The following MEIS2 variants were observed in gnomAD, a reference collection of about 807,000 sequenced individuals.
MEIS2 encodes homeobox protein Meis2.
MEIS2 carries 9 observed loss-of-function variants against 58.6 expected under a neutral mutation model. The ratio of observed to expected loss-of-function variants is 0.15; its 90% CI spans 0.09 to 0.27. The LOEUF (loss-of-function observed/expected upper bound fraction) is 0.27, where lower values mean the gene tolerates loss of function less well. Ranked by LOEUF, MEIS2 falls within the 10% of genes least tolerant of loss-of-function variation. The pLI is 1.00. For synonymous variants in MEIS2, 221 were observed against 228.4 expected (o/e 0.97, Z 0.29); for missense variants, 427 against 635.0 (o/e 0.67, Z 3.52).
chr15:36,954,406 T>C (rs1270303743), intron 8 of MEIS2, among the ~76,000 whole-genome samples: 1 of 149,100 alleles, frequency 6.7e-6, no homozygotes, highest in Non-Finnish European at 1.5e-5. Flanking sequence ...TGTACTGCTT[T>C]AAATAATTTT....
At chr15:36,995,979 A>G (rs71403537) in intron 8 of MEIS2, among the ~76,000 whole-genome samples, 46,408 of 79,528 alleles carry the variant, frequency 0.58, 10,061 homozygotes, top group Non-Finnish European at 0.65. Context: ...ATATATATAT[A>G]TATATATATA....
intron 6 of MEIS2, among the ~76,000 whole-genome samples, chr15:37,089,504 A>G (rs2141937923): frequency 6.6e-6 from 1 of 152,328 alleles, no homozygotes; most frequent in Non-Finnish European, 1.5e-5. Context: ...GAGATGCAAA[A>G]GAAAACACCA....
chr15:36,963,342 T>C (rs1422965409), intron 8 of MEIS2, among the ~76,000 whole-genome samples: 1 of 149,776 alleles, frequency 6.7e-6, no homozygotes, highest in Non-Finnish European at 1.5e-5. Context: ...ATTGCGCCAC[T>C]GCACTCCAGC....
rs534692479 is a variant in MEIS2 at position 37,098,379 on chromosome 15, G to GGAGAGAGAGAGAGAGAGA, written c.13-198_13-181dup. 3.2e-4 allele frequency: 100 copies of GGAGAGAGAGAGAGAGAGA among 307,900 alleles called. 2 individuals are homozygous for GGAGAGAGAGAGAGAGAGA. The highest frequency in any genetic ancestry group is 8.1e-4 in the Admixed American group (5 of 6,172). The allele number at this position is 307,900 out of a possible 1,614,324, so 19.1% of individuals were successfully genotyped here. A position where few individuals can be genotyped will look rare whatever the true frequency, so the allele number is the denominator to read the frequency against. ...GAGGAGGAGGAAAAGGAGGAGAGGG[G>GGAGAGAGAGAGAGAGAGA]GAGAGAGAGAGAGAGAGAGAGAGAG... is the stretch of plus-strand genomic sequence containing the variant. On this transcript the variant is annotated intron_variant, in intron 1 of 11. Transcript: ENST00000561208.
chr15:36,966,126 G>T (rs929572260), intron 8 of MEIS2, among the ~76,000 whole-genome samples: 17 of 152,126 alleles, frequency 1.1e-4, no homozygotes, highest in African/African-American at 3.9e-4. Flanking sequence ...GGACGCTGGG[G>T]TTAATAATTC....
chr15:37,056,407 G>A (rs922680208), intron 7 of MEIS2, among the ~76,000 whole-genome samples: 1 of 152,158 alleles, frequency 6.6e-6, no homozygotes, highest in Non-Finnish European at 1.5e-5. Flanking sequence ...CATAATTTAA[G>A]AGGTGAATAG....
At chr15:36,934,331 G>C (rs1018114911) in intron 9 of MEIS2, among the ~76,000 whole-genome samples, 4 of 151,814 alleles carry the variant, frequency 2.6e-5, no homozygotes, top group Admixed American at 2.0e-4. Flanking sequence ...TCAGGCTGAA[G>C]GCACAAAGCT....
At chr15:36,936,388 G>A (rs1369298161) in intron 9 of MEIS2, among the ~76,000 whole-genome samples, 1 of 151,868 alleles carries the variant, frequency 6.6e-6, no homozygotes, top group African/African-American at 2.4e-5. Flanking sequence ...GTAGAGATGG[G>A]GTTTCACCAT....
At chr15:37,101,069 C>A (rs1307130616), upstream of MEIS2, 1 of 151,904 alleles carries the variant, frequency 6.6e-6, no homozygotes, top group African/African-American at 2.4e-5. Context: ...GCTCTGCAGA[C>A]GGTACCACTG....
intron 8 of MEIS2, among the ~76,000 whole-genome samples, chr15:36,953,822 T>C (rs1029733415): frequency 1.3e-5 from 2 of 152,192 alleles, no homozygotes; most frequent in African/African-American, 4.8e-5. Context: ...GATAGTGACC[T>C]TAGGCCTTCT....
At chr15:37,097,717 TCA>T (rs988421601) in intron 2 of MEIS2, among the ~76,000 whole-genome samples, 5 of 152,242 alleles carry the variant, frequency 3.3e-5, no homozygotes, top group Admixed American at 2.6e-4. Flanking sequence ...TTCTGGGGAC[TCA>T]GTCACTCCAG....
chr15:37,065,536 T>A (rs934927338), intron 7 of MEIS2, among the ~76,000 whole-genome samples: 3 of 152,118 alleles, frequency 2.0e-5, no homozygotes, highest in Non-Finnish European at 4.4e-5. Context: ...ACCTTTCAAT[T>A]AAAGAGTGTG....
intron 7 of MEIS2, among the ~76,000 whole-genome samples, chr15:37,077,356 A>G (rs1891555400): frequency 6.6e-6 from 1 of 151,984 alleles, no homozygotes; most frequent in African/African-American, 2.4e-5. Flanking sequence ...CCCCTACCCA[A>G]TCCATTTTGT....
intron 7 of MEIS2, among the ~76,000 whole-genome samples, chr15:37,074,594 T>C (rs539959514): frequency 7.9e-5 from 12 of 152,130 alleles, no homozygotes; most frequent in African/African-American, 2.9e-4. Context: ...CAAGGTCATA[T>C]AGCTAATTAA....
At chr15:37,005,195 ATG>A (rs2060873770) in intron 8 of MEIS2, among the ~76,000 whole-genome samples, 1 of 152,220 alleles carries the variant, frequency 6.6e-6, no homozygotes, top group South Asian at 2.1e-4. Flanking sequence ...CCTCACCATG[ATG>A]TTATCCAGCC....
At chr15:37,063,908 G>A (rs887833776) in intron 7 of MEIS2, among the ~76,000 whole-genome samples, 1 of 152,190 alleles carries the variant, frequency 6.6e-6, no homozygotes, top group African/African-American at 2.4e-5. Flanking sequence ...TGGGTGTTAA[G>A]CTGCAAGATC....
At chr15:36,924,181 A>T (rs992817471) in intron 9 of MEIS2, among the ~76,000 whole-genome samples, 1 of 151,906 alleles carries the variant, frequency 6.6e-6, no homozygotes, top group Non-Finnish European at 1.5e-5. Context: ...TAATGGCGGG[A>T]ATATAAAAGT....
At chr15:36,904,665 C>T (rs1325784833) in intron 9 of MEIS2, among the ~76,000 whole-genome samples, 1 of 148,776 alleles carries the variant, frequency 6.7e-6, no homozygotes, top group Admixed American at 6.7e-5. Context: ...TGTGAGCAAA[C>T]AGATCCATCA....
intron 6 of MEIS2, among the ~76,000 whole-genome samples, chr15:37,088,299 A>T (rs537146111): frequency 8.5e-5 from 13 of 152,308 alleles, no homozygotes; most frequent in Admixed American, 7.8e-4. Context: ...TAGTAAACAT[A>T]CATAAAGATA....
Sources: allele counts gnomAD v4.1 joint callset (sites outside exome capture counted in the v4.1 genomes callset), GRCh38; gene constraint gnomAD v4.1.1; transcripts MANE v1.5; gene names NCBI Gene and HGNC (gene_info 2026-07-23, HGNC 2026-07-21).